The following RASA1 variants were observed in gnomAD, a reference collection of about 807,000 sequenced individuals.
RASA1 encodes RAS p21 protein activator 1, also known as ras GTPase-activating protein 1.
A neutral mutation model predicts 132.2 loss-of-function variants in RASA1; 25 were observed. That is an observed-to-expected ratio of 0.19 (90% CI 0.14 to 0.26). RASA1 has a LOEUF of 0.26. RASA1 is among the 10% of genes least tolerant of loss of function. RASA1 has a pLI of 1.00. For synonymous variants in RASA1, 477 were observed against 449.9 expected, an observed-to-expected ratio of 1.06 and a Z score of -0.76; for missense variants, 964 against 1,299.2, an observed-to-expected ratio of 0.74 and a Z score of 3.97.
At chr5:87,387,312 G>T (rs1031783926) in intron 23 of RASA1, among the ~76,000 whole-genome samples, 1 of 152,088 alleles carries the variant, frequency 6.6e-6, no homozygotes, top group African/African-American at 2.4e-5. Context: ...AGACTGAAAA[G>T]TCTTCTTTTC....
In RASA1 at chr5:87,376,911, T is replaced by C; in HGVS notation, c.2215T>C (p.Tyr739His). 6.2e-7 allele frequency: 1 copy of C among 1,610,084 alleles called. No individual in the cohort carries two copies. Among genetic ancestry groups the C allele is most frequent in the Non-Finnish European group, 8.5e-7 (1 of 1,176,312 alleles). The stretch of plus-strand genomic sequence containing the variant: ...ACTGCAAAAGGAACTTCATGTAGTC[T>C]ATGCTTTATCACATGTATGTGGACA... ...LILQKELHVV[Y>H]ALSHVCGQDR... is the part of the protein sequence containing the mutation. Residue 739 changes from tyrosine (Y) to histidine (H), a missense_variant, in exon 17 of 25, where the codon TAT becomes CAT. Tyr to His is a moderately conservative substitution (Grantham distance 83). Transcript: ENST00000274376.
At chr5:87,376,614 T>C (rs1761344943) in intron 16 of RASA1, 49 bp downstream of exon 16, 4 of 1,567,274 alleles carry the variant, frequency 2.6e-6, no homozygotes. Flanking sequence ...AACAGAAACA[T>C]TTAACATTTA....
At chr5:87,272,286 A>G (rs1195804715) in intron 1 of RASA1, among the ~76,000 whole-genome samples, 1 of 152,196 alleles carries the variant, frequency 6.6e-6, no homozygotes, top group Non-Finnish European at 1.5e-5. Context: ...ATGTTCTAAA[A>G]AATACCCTCC....
At chr5:87,303,639 CTG>C (rs1021330925) in intron 1 of RASA1, among the ~76,000 whole-genome samples, 2 of 151,950 alleles carry the variant, frequency 1.3e-5, no homozygotes, top group Non-Finnish European at 2.9e-5. Context: ...AGAACATACT[CTG>C]AATGAATTCA....
intron 9 of RASA1, among the ~76,000 whole-genome samples, chr5:87,358,237 T>G (rs567092387): frequency 2.2e-4 from 34 of 152,264 alleles, no homozygotes; most frequent in Middle Eastern, 3.4e-3. Context: ...AGGCAAGCAT[T>G]AGACAAAAAG....
At chr5:87,341,958 TGAC>T (rs1758502591) in intron 6 of RASA1, among the ~76,000 whole-genome samples, 1 of 152,160 alleles carries the variant, frequency 6.6e-6, no homozygotes, top group African/African-American at 2.4e-5. Flanking sequence ...AACATTCAAC[TGAC>T]TACTCCATTT....
At chr5:87,350,967 T>C (rs1405865900) in intron 8 of RASA1, among the ~76,000 whole-genome samples, 1 of 151,744 alleles carries the variant, frequency 6.6e-6, no homozygotes, top group Admixed American at 6.6e-5. Flanking sequence ...TCAGAAATAA[T>C]TCCTAGGAAG....
chr5:87,372,095 T>A (rs1760992660), intron 12 of RASA1, 23 bp from the exon 13 acceptor site: 6 of 1,609,946 alleles, frequency 3.7e-6, no homozygotes, highest in Non-Finnish European at 5.1e-6. Flanking sequence ...TATATTTCTT[T>A]GAAGTGCTGT....
Position 87,334,889 on chromosome 5 carries a change from C to CT in RASA1, c.899+1564dup, listed in dbSNP as rs1353348896. Among the ~76,000 whole-genome samples the CT allele has an allele frequency of 3.6e-3, 515 of 145,052 alleles. 2 individuals are homozygous for CT. The highest frequency in any genetic ancestry group is 7.2e-3 in the African/African-American group (289 of 39,886). ...AGTTGAGAGCTGAACTAGTTTGTTC[C>CT]TTTTTTTTTTTTGAGACAGAATCTT... is the stretch of plus-strand genomic sequence containing the variant. On this transcript the variant is annotated intron_variant, in intron 4 of 24. Transcript: ENST00000274376.
chr5:87,312,953 A>G lies in RASA1; in HGVS notation c.540-18395A>G, dbSNP rs112758926. 5.3e-5 allele frequency among the ~76,000 whole-genome samples: 8 copies of G among 152,300 alleles called. 1 individual carries two copies. The highest frequency in any genetic ancestry group is 1.9e-4 in the African/African-American group (8 of 41,564). The stretch of plus-strand genomic sequence containing the variant: ...GAATGATCAACTATGAGTAGGCCAG[A>G]TTATTGAAGGAAAATGATACTTTCC... On this transcript the variant is annotated intron_variant, in intron 1 of 24. Transcript: ENST00000274376.
chr5:87,329,047 G>A (rs1757428445), intron 1 of RASA1, among the ~76,000 whole-genome samples: 1 of 152,130 alleles, frequency 6.6e-6, no homozygotes, highest in Admixed American at 6.5e-5. Flanking sequence ...CTTTTGACAT[G>A]AAGGAAATTG....
At chr5:87,353,519 AC>A (rs1217754339) in intron 9 of RASA1, among the ~76,000 whole-genome samples, 1 of 152,054 alleles carries the variant, frequency 6.6e-6, no homozygotes, top group East Asian at 1.9e-4. Flanking sequence ...AAAAGTAGAG[AC>A]AGCAGGGATA....
Position 87,331,443 on chromosome 5 carries a change from G to A in RASA1, c.635G>A (p.Arg212Lys). ...TATCTTATAAGAGAGAGTGATCGGA[G>A]GCCAGGGTCCTTTGTACTTTCATTT... Reference protein sequence around the residue: ...GSYLIRESDRRPGSFVLSFLS... With the variant: ...GSYLIRESDRKPGSFVLSFLS... The change falls in exon 2 of 25, where the codon AGG becomes AAG. Residue 212 changes from arginine to lysine, a missense_variant. By Grantham distance (26) the Arg-to-Lys change is conservative. Transcript: ENST00000274376. 1 of 1,613,908 alleles carries A rather than the reference G, an allele frequency of 6.2e-7. No individual in the cohort carries two copies. Among genetic ancestry groups the A allele is most frequent in the Non-Finnish European group, 8.5e-7 (1 of 1,179,868 alleles).
intron 1 of RASA1, among the ~76,000 whole-genome samples, chr5:87,321,644 G>A (rs1756817669): frequency 6.6e-6 from 1 of 152,270 alleles, no homozygotes; most frequent in African/African-American, 2.4e-5. Flanking sequence ...ATAGGGCAAG[G>A]TCTGGAAGGG....
rs117340098 is a variant in RASA1, at chr5:87,275,945, A to G, written c.539+6955A>G. ...TCCAAGCCCTAGTGTGCCGGTATTT[A>G]TCAAGCTTCTGTGTTCCTCATCCTT... is the stretch of plus-strand genomic sequence containing the variant. On this transcript the variant is annotated intron_variant, in intron 1 of 24. Coordinates refer to ENST00000274376, the MANE Select transcript of RASA1 (RefSeq NM_002890.3). Among the ~76,000 whole-genome samples, 1,198 of 152,224 alleles carry G rather than the reference A, an allele frequency of 7.9e-3. 59 individuals carry two copies. Among genetic ancestry groups the G allele is most frequent in the Admixed American group, 0.064 (976 of 15,272 alleles).
intron 20 of RASA1, among the ~76,000 whole-genome samples, chr5:87,382,883 A>T (rs1161112805): frequency 6.6e-6 from 1 of 151,834 alleles, no homozygotes; most frequent in Admixed American, 6.6e-5. Context: ...GGAATTTGAA[A>T]TTGTCCTGGG....
chr5:87,365,421 T>C (rs1211161421), intron 11 of RASA1, among the ~76,000 whole-genome samples: 2 of 152,142 alleles, frequency 1.3e-5, no homozygotes, highest in Non-Finnish European at 2.9e-5. Flanking sequence ...CCAGGTACTC[T>C]GAATATTACT....
At chr5:87,269,332 A>G in intron 1 of RASA1, 1 of 1,528,656 alleles carries the variant, frequency 6.5e-7, no homozygotes, top group Non-Finnish European at 8.8e-7. Flanking sequence ...CAAGGCAGTC[A>G]TAGTGTATAT....
intron 13 of RASA1, among the ~76,000 whole-genome samples, chr5:87,373,957 C>T (rs1223735466): frequency 6.6e-6 from 1 of 151,130 alleles, no homozygotes; most frequent in African/African-American, 2.4e-5. Flanking sequence ...TTGTTTTTAT[C>T]TTTTAGGTGG....
Sources: allele counts gnomAD v4.1 joint callset (sites outside exome capture counted in the v4.1 genomes callset), GRCh38; gene constraint gnomAD v4.1.1; transcripts MANE v1.5; gene names NCBI Gene and HGNC (gene_info 2026-07-23, HGNC 2026-07-21).